The following RMC1 variants were observed in gnomAD, a reference collection of about 807,000 sequenced individuals.
The protein encoded by RMC1 is regulator of MON1-CCZ1.
RMC1 carries 44 observed loss-of-function variants against 95.5 expected under a neutral mutation model. The ratio of observed to expected loss-of-function variants is 0.46; its 90% CI spans 0.36 to 0.59. RMC1 has a LOEUF of 0.59. RMC1 is among the 20% of genes least tolerant of loss of function. RMC1 has a pLI of 0.00. For synonymous variants in RMC1, 320 were observed against 303.6 expected (o/e 1.05, Z -0.56); for missense variants, 705 against 819.6 (o/e 0.86, Z 1.71).
intron 2 of RMC1, chr18:23,504,718 G>C (rs966736851): frequency 3.1e-6 from 1 of 322,648 alleles, no homozygotes; most frequent in Admixed American, 4.2e-5. Flanking sequence ...ACAAGTCAGC[G>C]TGATGATGTG....
chr18:23,524,402 T>G, intron 11 of RMC1, 27 bp from the exon 12 acceptor site: 3 of 1,612,916 alleles, frequency 1.9e-6, no homozygotes, highest in Non-Finnish European at 2.5e-6. Flanking sequence ...CATCTTTTCC[T>G]GGTTTAGAAT....
At chr18:23,521,194 A>G (rs1279777585) in intron 10 of RMC1, among the ~76,000 whole-genome samples, 1 of 152,202 alleles carries the variant, frequency 6.6e-6, no homozygotes, top group Non-Finnish European at 1.5e-5. Context: ...TACTGATCCT[A>G]TAAGCTAAAA....
At chr18:23,529,121 A>G in intron 14 of RMC1, 58 bp from the exon 15 acceptor site, 3 of 1,582,106 alleles carry the variant, frequency 1.9e-6, no homozygotes, top group Non-Finnish European at 2.6e-6. Flanking sequence ...GATGAACTGT[A>G]AACAGCACCC....
intron 5 of RMC1, among the ~76,000 whole-genome samples, chr18:23,514,894 C>A (rs1426130479): frequency 6.6e-6 from 1 of 152,188 alleles, no homozygotes; most frequent in Non-Finnish European, 1.5e-5. Context: ...GTACCATGAG[C>A]ATTAATGTCT....
In RMC1 at chr18:23,504,454, G is replaced by T. The variant is rs181261328; in HGVS notation, c.179+7G>T. On this transcript the variant is annotated splice_region_variant and intron_variant, in intron 2 of 19. Transcript: ENST00000269221. Reference sequence around the variant, plus strand: ...GGAATCCCATCTCATTTAGGTAATGGTATAGACACTTTCAGATCATTTTGT... The same window carrying T: ...GGAATCCCATCTCATTTAGGTAATGTTATAGACACTTTCAGATCATTTTGT... The T allele has an allele frequency of 9.0e-5, 144 of 1,598,178 alleles. No homozygotes were observed. In the African/African-American group the frequency reaches 1.7e-3, roughly 19 times the overall value.
intron 9 of RMC1, 134 bp from the exon 10 acceptor site, chr18:23,520,064 CAAGT>C (rs1359807154): frequency 3.2e-6 from 2 of 626,710 alleles, no homozygotes; most frequent in Admixed American, 2.9e-5. Context: ...AATTCCTTCT[CAAGT>C]AAGAGCTAGC....
chr18:23,509,164 T>C, intron 4 of RMC1, 29 bp from the exon 5 acceptor site: 1 of 967,260 alleles, frequency 1.0e-6, no homozygotes, highest in Non-Finnish European at 1.4e-6. Flanking sequence ...TCTTATTAAT[T>C]AAAAATATTT....
chr18:23,529,795 T>C (rs1298360311), intron 16 of RMC1, 83 bp downstream of exon 16: 109 of 1,367,984 alleles, frequency 8.0e-5, no homozygotes, highest in Non-Finnish European at 8.3e-6. Context: ...AGATGACTCA[T>C]ATGCTAAGAC....
Position 23,530,237 on chromosome 18 carries a change from G to C in RMC1, c.1608G>C (p.Leu536=). Residue 536 remains leucine, a synonymous_variant, in exon 18 of 20, where the codon CTG becomes CTC. Transcript: ENST00000269221. ...VLSDSKPLAC[L]LLSLESFYPP... ...CTAAAAATGTCTTTCAGGCTTGTCT[G>C]CTGTTATCCCTAGAGAGTTTCTATC... is the stretch of plus-strand genomic sequence containing the variant. The C allele has an allele frequency of 6.2e-7, 1 of 1,614,178 alleles. No individual in the cohort carries two copies. Among genetic ancestry groups the C allele is most frequent in the Non-Finnish European group, 8.5e-7 (1 of 1,180,034 alleles).
chr18:23,515,815 G>A (rs773905725), intron 5 of RMC1, 41 bp from the exon 6 acceptor site: 11 of 1,611,616 alleles, frequency 6.8e-6, no homozygotes, highest in Middle Eastern at 1.6e-4. Flanking sequence ...TTAGTTTGCC[G>A]TTTTTTAAAT....
At position 23,530,626 on chromosome 18, in the gene RMC1, GAA is replaced by G. The variant is rs2058464920; in HGVS notation, c.1894+17_1894+18del. The G allele has an allele frequency of 2.5e-6, 4 of 1,609,786 alleles. No homozygotes were observed. Among genetic ancestry groups the G allele is most frequent in the Non-Finnish European group, 2.5e-6 (3 of 1,177,182 alleles). On this transcript the variant is annotated intron_variant, in intron 19 of 19. Coordinates refer to ENST00000269221, the MANE Select transcript of RMC1 (RefSeq NM_013326.5). ...ATTTCACACCAGGTGAGAATGCAATGAAAAGACTTGGGGTAACCATAGCCTCA... is the reference window on the plus strand; with the variant it reads ...ATTTCACACCAGGTGAGAATGCAATGAAGACTTGGGGTAACCATAGCCTCA...
intron 3 of RMC1, 61 bp from the exon 4 acceptor site, chr18:23,507,924 G>C: frequency 6.8e-7 from 1 of 1,466,102 alleles, no homozygotes; most frequent in Non-Finnish European, 9.4e-7. Flanking sequence ...GTATGCCAAC[G>C]TAGGTTGGCA....
At chr18:23,503,990 A>G (rs542294492) in intron 1 of RMC1, among the ~76,000 whole-genome samples, 1 of 152,306 alleles carries the variant, frequency 6.6e-6, no homozygotes, top group South Asian at 2.1e-4. Context: ...CGCCCGTCTT[A>G]TCTAGGCTTC....
chr18:23,507,568 G>A (rs2057747322), intron 3 of RMC1, among the ~76,000 whole-genome samples: 2 of 152,170 alleles, frequency 1.3e-5, no homozygotes, highest in Admixed American at 6.5e-5. Context: ...ACTTTAGCCC[G>A]TGTAAATGTT....
chr18:23,513,375 G>A (rs1255992284), intron 5 of RMC1, among the ~76,000 whole-genome samples: 1 of 152,206 alleles, frequency 6.6e-6, no homozygotes. Context: ...CATGTGATAG[G>A]GTTTCCTTTT....
In RMC1 at chr18:23,515,972, T is replaced by C. The variant is rs1188872151; in HGVS notation, c.525T>C (p.Asn175=). The change falls in exon 6 of 20, where the codon AAT becomes AAC. Residue 175 remains asparagine (N), a synonymous_variant. Transcript: ENST00000269221. The part of the protein sequence containing the change: ...VILLSTTVLE[N]VLQPFHFRAG... ...TGCTGTCTACCACGGTCCTGGAGAA[T>C]GTCCTGCAGCCTTTTCACTTTAGGG... The C allele has an allele frequency of 1.9e-6, 3 of 1,614,142 alleles. No homozygotes were observed. The highest frequency in any genetic ancestry group is 2.5e-6 in the Non-Finnish European group (3 of 1,180,014).
intron 10 of RMC1, among the ~76,000 whole-genome samples, chr18:23,520,559 A>C (rs897844583): frequency 1.3e-5 from 2 of 152,198 alleles, no homozygotes; most frequent in Admixed American, 6.5e-5. Flanking sequence ...TCCTGGGTTC[A>C]AGTGATTATC....
chr18:23,519,242 G>T, intron 9 of RMC1, 68 bp downstream of exon 9: 19 of 1,405,980 alleles, frequency 1.4e-5, no homozygotes, highest in Non-Finnish European at 1.9e-5. Flanking sequence ...TGGTGGCTGG[G>T]CACGGTGGAT....
chr18:23,504,301 T>A (rs117624142), intron 1 of RMC1, 70 bp from the exon 2 acceptor site: 47,326 of 1,319,448 alleles, frequency 0.036, 1,108 homozygotes, highest in Non-Finnish European at 0.042. Context: ...AATAATCGCT[T>A]GCGGGTTGGC....
Sources: allele counts gnomAD v4.1 joint callset (sites outside exome capture counted in the v4.1 genomes callset), GRCh38; gene constraint gnomAD v4.1.1; transcripts MANE v1.5; gene names NCBI Gene and HGNC (gene_info 2026-07-23, HGNC 2026-07-21).